The following PACRG variants were observed in gnomAD, a reference collection of about 807,000 sequenced individuals.
PACRG encodes parkin coregulated gene protein.
PACRG carries 29 observed loss-of-function variants against 29.7 expected under a neutral mutation model. That is an observed-to-expected ratio of 0.98 (90% CI 0.73 to 1.33). The LOEUF (loss-of-function observed/expected upper bound fraction) is 1.33. PACRG is among the 40% of genes most tolerant of loss of function. PACRG has a pLI of 0.00. For missense variants in PACRG, 279 were observed against 316.2 expected, an observed-to-expected ratio of 0.88 and a Z score of 0.89; for synonymous variants, 116 against 118.7, an observed-to-expected ratio of 0.98 and a Z score of 0.15.
In PACRG at chr6:162,989,371, C is replaced by T. The variant is rs528870807; in HGVS notation, c.292-72779C>T. Among the ~76,000 whole-genome samples, 20 of 152,268 alleles carry T rather than the reference C, an allele frequency of 1.3e-4. No individual in the cohort carries two copies. The East Asian group carries it at 1.7e-3, about 13-fold the overall frequency. On this transcript the variant is annotated intron_variant, in intron 2 of 4. Transcript: ENST00000366888. ...ATAATGGCAGATGGAGATAAAAGTA[C>T]GGTCATGCCTCAGTAGTGGTGGAAG...
chr6:163,091,674 A>G (rs964231393), intron 4 of PACRG, among the ~76,000 whole-genome samples: 2 of 152,196 alleles, frequency 1.3e-5, no homozygotes, highest in East Asian at 3.9e-4. Flanking sequence ...CATTCTAGCT[A>G]TAAAAACTTA....
intron 4 of PACRG, among the ~76,000 whole-genome samples, chr6:163,217,220 T>G (rs1201611552): frequency 1.3e-5 from 2 of 152,126 alleles, no homozygotes; most frequent in Non-Finnish European, 2.9e-5. Flanking sequence ...AGCCCGATTG[T>G]TGTAGGTATG....
intron 4 of PACRG, among the ~76,000 whole-genome samples, chr6:163,231,834 C>T (rs1393758841): frequency 2.0e-5 from 3 of 152,234 alleles, no homozygotes; most frequent in Admixed American, 6.5e-5. Flanking sequence ...CTCCAGACCA[C>T]TGGCTGCAGG....
At position 163,206,438 on chromosome 6, in the gene PACRG, A is replaced by T. The variant is rs1780906383; in HGVS notation, c.614-108389A>T. Among the ~76,000 whole-genome samples the T allele has an allele frequency of 2.0e-5, 3 of 152,272 alleles. No homozygotes were observed. In the South Asian group the frequency reaches 6.2e-4, roughly 32 times the overall value. The stretch of plus-strand genomic sequence containing the variant: ...CATGGATAGAGCTTTTATCCTAAGC[A>T]AGCTAACACAGGAACAGAAAAACAA... On this transcript the variant is annotated intron_variant, in intron 4 of 4. Transcript: ENST00000366888.
At chr6:163,277,198 C>T (rs1420935682) in intron 4 of PACRG, among the ~76,000 whole-genome samples, 4 of 151,822 alleles carry the variant, frequency 2.6e-5, no homozygotes, top group Non-Finnish European at 5.9e-5. Context: ...TTTTGGTGCA[C>T]CCATCACCTG....
At chr6:163,291,486 C>T (rs1784608930) in intron 4 of PACRG, among the ~76,000 whole-genome samples, 1 of 152,280 alleles carries the variant, frequency 6.6e-6, no homozygotes, top group Non-Finnish European at 1.5e-5. Context: ...GCATCTGCAG[C>T]CCACGGGGCC....
chr6:162,975,251 A>G (rs1483437997), intron 2 of PACRG, among the ~76,000 whole-genome samples: 1 of 152,214 alleles, frequency 6.6e-6, no homozygotes, highest in Non-Finnish European at 1.5e-5. Flanking sequence ...AATTGCTACC[A>G]TGATCTAAGC....
intron 4 of PACRG, among the ~76,000 whole-genome samples, chr6:163,299,352 G>A (rs1158983939): frequency 2.6e-5 from 4 of 152,194 alleles, no homozygotes; most frequent in Non-Finnish European, 4.4e-5. Context: ...TCCAGCTGTT[G>A]CTCTGGGGGT....
At chr6:162,727,411 G>A, upstream of PACRG, 2 of 478,534 alleles carry the variant, frequency 4.2e-6, no homozygotes, top group Non-Finnish European at 7.3e-6. Flanking sequence ...TGGCGTCCCC[G>A]TCGAGGCGGT....
intron 1 of PACRG, among the ~76,000 whole-genome samples, chr6:162,767,181 G>C (rs1782865394): frequency 6.6e-6 from 1 of 151,930 alleles, no homozygotes. Context: ...TATTTTATAT[G>C]TGTGTATGTA....
At chr6:163,083,873 T>A (rs1425143718) in intron 3 of PACRG, among the ~76,000 whole-genome samples, 3 of 152,134 alleles carry the variant, frequency 2.0e-5, no homozygotes, top group Non-Finnish European at 4.4e-5. Context: ...CAATAGTGAA[T>A]GACATCTAAT....
At chr6:163,311,069 T>TGC (rs1281168814) in intron 4 of PACRG, 1 of 152,234 alleles carries the variant, frequency 6.6e-6, no homozygotes, top group Non-Finnish European at 1.5e-5. Flanking sequence ...ATGCTTAAAC[T>TGC]GCTTACATCA....
At position 162,966,709 on chromosome 6, in the gene PACRG, C is replaced by G. The variant is rs963374611; in HGVS notation, c.292-95441C>G. Among the ~76,000 whole-genome samples the G allele has an allele frequency of 2.0e-5, 3 of 152,200 alleles. No individual in the cohort carries two copies. The East Asian group carries it at 5.8e-4, about 30-fold the overall frequency. ...GCCAGGATGGTCTCGATCTCCTGACCTCGTGATCCACCCACCTCCCCCTCC... is the reference window on the plus strand; with the variant it reads ...GCCAGGATGGTCTCGATCTCCTGACGTCGTGATCCACCCACCTCCCCCTCC... On this transcript the variant is annotated intron_variant, in intron 2 of 4. Transcript: ENST00000366888.
At chr6:162,956,875 A>C (rs1360241700) in intron 2 of PACRG, among the ~76,000 whole-genome samples, 1 of 152,076 alleles carries the variant, frequency 6.6e-6, no homozygotes, top group Non-Finnish European at 1.5e-5. Context: ...TCTGGAGGGG[A>C]GGGACACAGT....
rs565797811 is a variant in PACRG, at chr6:162,864,559, G to C, written c.291+50278G>C. Among the ~76,000 whole-genome samples the C allele has an allele frequency of 1.2e-3, 180 of 152,250 alleles. 2 individuals are homozygous for C. Among genetic ancestry groups the C allele is most frequent in the South Asian group, 3.7e-3 (18 of 4,822 alleles). ...CTTGTCCATCCATCAATCTTCATGAGAAAATGGACTCAAGATTTTGAAAAC... is the reference window on the plus strand; with the variant it reads ...CTTGTCCATCCATCAATCTTCATGACAAAATGGACTCAAGATTTTGAAAAC... On this transcript the variant is annotated intron_variant, in intron 2 of 4. Transcript: ENST00000366888.
chr6:162,870,257 A>G (rs1255625091), intron 2 of PACRG, among the ~76,000 whole-genome samples: 2 of 152,220 alleles, frequency 1.3e-5, no homozygotes, highest in Non-Finnish European at 1.5e-5. Context: ...CAAGCGTTCA[A>G]TGAAGAGAAT....
chr6:163,233,654 G>A (rs767017682), intron 4 of PACRG, among the ~76,000 whole-genome samples: 3 of 152,184 alleles, frequency 2.0e-5, no homozygotes, highest in Non-Finnish European at 4.4e-5. Flanking sequence ...ATGAGAAATG[G>A]CAGTGACTTC....
intron 4 of PACRG, among the ~76,000 whole-genome samples, chr6:163,095,780 A>G (rs1234444056): frequency 1.3e-5 from 2 of 152,132 alleles, no homozygotes; most frequent in Non-Finnish European, 2.9e-5. Context: ...CCAATACTCC[A>G]ATATTACTTT....
intron 2 of PACRG, among the ~76,000 whole-genome samples, chr6:162,844,319 G>T (rs968433641): frequency 6.6e-6 from 1 of 151,644 alleles, no homozygotes; most frequent in African/African-American, 2.4e-5. Context: ...TTTTTAAGCC[G>T]GTCCGAAAAG....
Sources: gnomAD v4.1 joint callset for allele counts (sites outside exome capture counted in the v4.1 genomes callset) on GRCh38, gnomAD v4.1.1 for gene constraint, MANE v1.5 for transcripts, NCBI Gene and HGNC (gene_info 2026-07-23, HGNC 2026-07-21) for gene names.